Variants in NCAN observed in about 807,000 individuals in gnomAD.
The protein encoded by NCAN is neurocan.
Under a neutral mutation model 121.8 loss-of-function variants are expected in NCAN, and 47 were observed. The ratio of observed to expected loss-of-function variants is 0.39; its 90% CI spans 0.31 to 0.49. The LOEUF (loss-of-function observed/expected upper bound fraction) is 0.49, where lower values mean the gene tolerates loss of function less well. NCAN is among the 20% of genes least tolerant of loss of function. The pLI, the probability that NCAN is intolerant of heterozygous loss-of-function variation, is 0.92. For synonymous variants in NCAN, 633 were observed against 702.0 expected, an observed-to-expected ratio of 0.90 and a Z score of 1.55; for missense variants, 1,517 against 1,773.4, an observed-to-expected ratio of 0.86 and a Z score of 2.60.
chr19:19,232,175 T>C (rs1252794402), intron 8 of NCAN, among the ~76,000 whole-genome samples: 1 of 152,100 alleles, frequency 6.6e-6, no homozygotes, highest in East Asian at 1.9e-4. Flanking sequence ...GGGCTGAGGC[T>C]GAGTCTGTCT....
rs774490059 is a variant in NCAN, at chr19:19,227,954, G to A, written c.2334G>A (p.Val778=). 2 of 1,613,480 alleles carry A rather than the reference G, an allele frequency of 1.2e-6. No homozygotes were observed. The highest frequency in any genetic ancestry group is 1.7e-6 in the Non-Finnish European group (2 of 1,179,978). ...GCTTGCAGGCCACTGTAGATGAGGT[G>A]CAGGACCCCTGGCCCTCAGTGTACA... is the stretch of plus-strand genomic sequence containing the variant. ...TSGLQATVDE[V]QDPWPSVYSK... The change falls in exon 8 of 15, where the codon GTG becomes GTA. Residue 778 remains valine, a synonymous_variant. Transcript: ENST00000252575. The surrounding 1 kb of genome is among the most constrained non-coding windows in gnomAD (Gnocchi z 4.2).
At chr19:19,242,768 C>T (rs1283186052) in intron 12 of NCAN, among the ~76,000 whole-genome samples, 1 of 152,124 alleles carries the variant, frequency 6.6e-6, no homozygotes, top group African/African-American at 2.4e-5. Context: ...TGGGAACATC[C>T]AAAATACCCA....
At chr19:19,234,742 C>T (rs934930919) in intron 9 of NCAN, among the ~76,000 whole-genome samples, 2 of 152,252 alleles carry the variant, frequency 1.3e-5, no homozygotes, top group African/African-American at 4.8e-5. Context: ...ACAGTCTGCA[C>T]ATCCTGGCTC....
intron 2 of NCAN, among the ~76,000 whole-genome samples, chr19:19,218,586 C>T (rs1276602485): frequency 1.3e-5 from 2 of 152,058 alleles, no homozygotes; most frequent in South Asian, 2.1e-4. Flanking sequence ...GATTCTCCTG[C>T]CTCAGCCTCC....
intron 3 of NCAN, among the ~76,000 whole-genome samples, chr19:19,219,631 CT>C (rs2060808781): frequency 7.3e-6 from 1 of 136,868 alleles, no homozygotes; most frequent in Non-Finnish European, 1.5e-5. Context: ...GAGGTTGAGG[CT>C]ACTCCACTCC....
Position 19,227,472 on chromosome 19 carries a change from C to A in NCAN, c.1852C>A (p.Pro618Thr). Residue 618 changes from proline (P) to threonine (T), a missense_variant, in exon 8 of 15, where the codon CCC (proline) becomes ACC (threonine). Coordinates refer to ENST00000252575, the MANE Select transcript of NCAN (RefSeq NM_004386.3). This position sits in a 1 kb window ranked among gnomAD's most constrained non-coding sequence, Gnocchi z 4.2. ...CACTGTCTCAGCTCCCAGCCCTGCC[C>A]CCTGGGAGGCATTCCCTGTGGCCAC... ...EATVSAPSPA[P>T]WEAFPVATSP... The A allele has an allele frequency of 6.2e-7, 1 of 1,613,596 alleles. No homozygotes were observed. Among genetic ancestry groups the A allele is most frequent in the Non-Finnish European group, 8.5e-7 (1 of 1,179,854 alleles).
In NCAN at chr19:19,221,627, T is replaced by G. The variant is rs1599809690; in HGVS notation, c.475+2311T>G. Among the ~76,000 whole-genome samples the G allele has an allele frequency of 1.3e-5, 2 of 152,044 alleles. 1 individual carries two copies. Among genetic ancestry groups the G allele is most frequent in the South Asian group, 4.1e-4 (2 of 4,822 alleles). On this transcript the variant is annotated intron_variant, in intron 3 of 14. Transcript: ENST00000252575. The stretch of plus-strand genomic sequence containing the variant: ...TAAGCCAGATGTGGCGGCTCACACC[T>G]CTAATCTCAGCATTTTGAAAGACTA...
In NCAN at chr19:19,232,348, C is replaced by T. The variant is rs181552553; in HGVS notation, c.3020-1441C>T. Among the ~76,000 whole-genome samples, 98 of 152,338 alleles carry T rather than the reference C, an allele frequency of 6.4e-4. 1 individual carries two copies. In the East Asian group the frequency reaches 0.018, roughly 28 times the overall value. On this transcript the variant is annotated intron_variant, in intron 8 of 14. Transcript: ENST00000252575. ...CAGTACCAGCGAGTGACTGAGTCAC[C>T]GCCAGTCCGTGGGCAGGTGTCAGCA...
chr19:19,234,784 A>T (rs2060874888), intron 9 of NCAN, among the ~76,000 whole-genome samples, 199 bp from the exon 10 acceptor site: 1 of 152,192 alleles, frequency 6.6e-6, no homozygotes, highest in Admixed American at 6.5e-5. Flanking sequence ...GCTCTCATTA[A>T]TGCTAATTTA....
intron 14 of NCAN, among the ~76,000 whole-genome samples, chr19:19,249,378 G>GT (rs1451631025): frequency 1.3e-5 from 2 of 148,270 alleles, no homozygotes; most frequent in Admixed American, 6.7e-5. Flanking sequence ...GCCTGGTTTT[G>GT]TTTTTTTTGA....
At chr19:19,218,829 A>G in intron 2 of NCAN, 86 bp from the exon 3 acceptor site, 1 of 1,331,132 alleles carries the variant, frequency 7.5e-7, no homozygotes, top group East Asian at 2.8e-5. Context: ...CAGCCCTTTT[A>G]AAAAATTTTT....
chr19:19,227,212 T>C lies in NCAN; in HGVS notation c.1661-69T>C. 1 of 1,503,162 alleles carries C rather than the reference T, an allele frequency of 6.7e-7. No individual in the cohort carries two copies. The highest frequency in any genetic ancestry group is 2.3e-5 in the East Asian group (1 of 43,758). 93.1% of individuals were successfully genotyped at this position (1,503,162 alleles called of 1,614,324 possible). On this transcript the variant is annotated intron_variant, in intron 7 of 14. Transcript: ENST00000252575. This position sits in a 1 kb window ranked among gnomAD's most constrained non-coding sequence, Gnocchi z 4.2. Reference sequence around the variant, plus strand: ...TCTGGCCCCAGAAGCCCCCTCTCCCTTGGGCCTGGAGTCCAACCAAAGGGG... The same window carrying C: ...TCTGGCCCCAGAAGCCCCCTCTCCCCTGGGCCTGGAGTCCAACCAAAGGGG...
intron 12 of NCAN, among the ~76,000 whole-genome samples, chr19:19,244,182 C>T (rs1479047176): frequency 6.6e-6 from 1 of 152,108 alleles, no homozygotes; most frequent in Admixed American, 6.6e-5. Context: ...CCAGCCCCAT[C>T]ACGCAGCTCC....
rs185435289 is a variant in NCAN at position 19,215,854 on chromosome 19, A to G, written c.-7-1093A>G. On this transcript the variant is annotated intron_variant, in intron 1 of 14. Coordinates refer to ENST00000252575, the MANE Select transcript of NCAN (RefSeq NM_004386.3). Reference sequence around the variant, plus strand: ...CAGTCTGATGGAGGAGGCTGACTTGAAAAATGGTATTTCAGTCTTGGCTGT... The same window carrying G: ...CAGTCTGATGGAGGAGGCTGACTTGGAAAATGGTATTTCAGTCTTGGCTGT... Among the ~76,000 whole-genome samples, 6 of 152,300 alleles carry G rather than the reference A, an allele frequency of 3.9e-5. No homozygotes were observed. The East Asian group carries it at 9.6e-4, about 24-fold the overall frequency.
Position 19,226,947 on chromosome 19 carries a change from A to G in NCAN, c.1534A>G (p.Thr512Ala), listed in dbSNP as rs767423304. ...GGMEASAQPP[T>A]SEAAVNQMEP... is the part of the protein sequence containing the mutation. ...GATGGAGGCCAGCGCCCAGCCCCCC[A>G]CCTCAGAGGCTGCAGTGAACCAAAT... The change falls in exon 7 of 15, where the codon ACC (threonine) becomes GCC (alanine). Residue 512 changes from threonine to alanine, a missense_variant. Thr to Ala is a moderately conservative substitution (Grantham distance 58). Transcript: ENST00000252575. 7.0e-6 allele frequency: 11 copies of G among 1,570,312 alleles called. No homozygotes were observed. The highest frequency in any genetic ancestry group is 8.6e-6 in the Non-Finnish European group (10 of 1,158,328).
intron 3 of NCAN, among the ~76,000 whole-genome samples, chr19:19,221,213 C>T (rs1336156310): frequency 6.6e-6 from 1 of 151,868 alleles, no homozygotes. Flanking sequence ...TGCACTCCAG[C>T]CTGGGCAACA....
intron 2 of NCAN, 87 bp from the exon 3 acceptor site, chr19:19,218,828 T>TA (rs1000189112): frequency 6.0e-6 from 8 of 1,337,772 alleles, no homozygotes; most frequent in African/African-American, 3.0e-5. Flanking sequence ...TCAGCCCTTT[T>TA]AAAAAATTTT....
In NCAN at chr19:19,226,467, C is replaced by A. The variant is rs2060837238; in HGVS notation, c.1073-19C>A. Reference sequence around the variant, plus strand: ...GCAACCCCTGGGCCTAACACAACCTCTTCTGCTTTCTCCCACAGCTCATCA... The same window carrying A: ...GCAACCCCTGGGCCTAACACAACCTATTCTGCTTTCTCCCACAGCTCATCA... On this transcript the variant is annotated intron_variant, in intron 6 of 14. Coordinates refer to ENST00000252575, the MANE Select transcript of NCAN (RefSeq NM_004386.3). The A allele has an allele frequency of 1.3e-6, 2 of 1,542,818 alleles. No homozygotes were observed. The highest frequency in any genetic ancestry group is 1.8e-6 in the Non-Finnish European group (2 of 1,141,996).
chr19:19,225,331 C>T lies in NCAN; in HGVS notation c.1072+61C>T, dbSNP rs1416502783. The stretch of plus-strand genomic sequence containing the variant: ...TTTCACTTTGGCGAAGGCCACGTCC[C>T]TGAAAGCCTCGCCAAGCCAAGGGAG... On this transcript the variant is annotated intron_variant, in intron 6 of 14. Coordinates refer to ENST00000252575, the MANE Select transcript of NCAN (RefSeq NM_004386.3). This position sits in a 1 kb window ranked among gnomAD's most constrained non-coding sequence, Gnocchi z 4.0. The T allele has an allele frequency of 1.7e-5, 25 of 1,446,040 alleles. No individual in the cohort carries two copies. The highest frequency in any genetic ancestry group is 2.2e-5 in the Non-Finnish European group (24 of 1,112,356). 89.6% of individuals were successfully genotyped at this position (1,446,040 alleles called of 1,614,324 possible).
Sources: allele counts gnomAD v4.1 joint callset (sites outside exome capture counted in the v4.1 genomes callset), GRCh38; gene constraint gnomAD v4.1.1; non-coding constraint Gnocchi (gnomAD v3.1); transcripts MANE v1.5; gene names NCBI Gene and HGNC (gene_info 2026-07-23, HGNC 2026-07-21).